Variants in CYFIP1 observed in about 807,000 individuals in gnomAD.
CYFIP1 encodes cytoplasmic FMR1-interacting protein 1.
Under a neutral mutation model 163.5 loss-of-function variants are expected in CYFIP1, and 58 were observed. The observed-to-expected ratio is 0.35, with a 90% CI of 0.29 to 0.44. The LOEUF (loss-of-function observed/expected upper bound fraction) is 0.44, where lower values mean the gene tolerates loss of function less well. Ranked by LOEUF, CYFIP1 falls within the 20% of genes least tolerant of loss-of-function variation. CYFIP1 has a pLI of 1.00. For missense variants in CYFIP1, 1,338 were observed against 1,653.8 expected (o/e 0.81, Z 3.31); for synonymous variants, 663 against 660.7 (o/e 1.00, Z -0.05).
chr15:22,938,500 G>A (rs2061787652), intron 8 of CYFIP1, among the ~76,000 whole-genome samples: 1 of 152,088 alleles, frequency 6.6e-6, no homozygotes, highest in African/African-American at 2.4e-5. Context: ...AGTTACTCAG[G>A]AGCCTGAGGC....
chr15:22,908,514 A>ATTTTT (rs2060660703), intron 21 of CYFIP1, among the ~76,000 whole-genome samples: 1 of 95,112 alleles, frequency 1.1e-5, no homozygotes, highest in East Asian at 3.2e-4. Flanking sequence ...TAAAGAAGAT[A>ATTTTT]TTTCTTTTTT....
chr15:22,879,854 CGGTGGGGTGG>C lies in CYFIP1; in HGVS notation c.3042+49_3042+58del, dbSNP rs746433645. The C allele has an allele frequency of 2.6e-5, 29 of 1,119,972 alleles. 1 individual carries two copies. The highest frequency in any genetic ancestry group is 8.0e-5 in the Admixed American group (3 of 37,420). The allele number at this position is 1,119,972 out of a possible 1,614,324, so 69.4% of individuals were successfully genotyped here. On this transcript the variant is annotated intron_variant, in intron 26 of 30. Coordinates refer to ENST00000617928, the MANE Select transcript of CYFIP1 (RefSeq NM_014608.6). ...CCGCCAAAGAAAGCCCTCCCCTGGC[CGGTGGGGTGG>C]GGTGGGGTGGGCTGGGGCGGGGAGG... is the stretch of plus-strand genomic sequence containing the variant.
intron 23 of CYFIP1, among the ~76,000 whole-genome samples, chr15:22,891,984 T>C (rs2060097257): frequency 6.6e-6 from 1 of 152,206 alleles, no homozygotes; most frequent in African/African-American, 2.4e-5. Flanking sequence ...TTGTCCCCGC[T>C]TCCTACAAGC....
At chr15:22,881,805 C>T in intron 25 of CYFIP1, 41 bp downstream of exon 25, 1 of 1,582,628 alleles carries the variant, frequency 6.3e-7, no homozygotes, top group Non-Finnish European at 8.6e-7. Context: ...TTTCTGACCT[C>T]TCCACAGACA....
chr15:22,922,306 C>T (rs959497856), intron 13 of CYFIP1, among the ~76,000 whole-genome samples: 2 of 152,226 alleles, frequency 1.3e-5, no homozygotes, highest in Non-Finnish European at 2.9e-5. Flanking sequence ...AGCCACGTGA[C>T]TGGCCCCCAG....
intron 22 of CYFIP1, among the ~76,000 whole-genome samples, chr15:22,896,414 TC>T (rs764452975): frequency 3.3e-5 from 5 of 152,100 alleles, no homozygotes; most frequent in Non-Finnish European, 7.3e-5. Flanking sequence ...AATTTTGAAA[TC>T]TTTTCTGCCC....
At position 22,874,559 on chromosome 15, in the gene CYFIP1, C is replaced by T. The variant is rs988405317; in HGVS notation, c.3201G>A (p.Gly1067=). Residue 1067 remains glycine, a synonymous_variant, in exon 28 of 31, where the codon GGG becomes GGA. Transcript: ENST00000617928. Reference sequence around the variant, plus strand: ...TCACGGTACACGTTACCTGAGGGGTCCCCAGTCTTTCAATCAGTGGGACAA... The same window carrying T: ...TCACGGTACACGTTACCTGAGGGGTTCCCAGTCTTTCAATCAGTGGGACAA... ...LHLVPLIERL[G]TPQQIAIARE... 1.3e-6 allele frequency: 2 copies of T among 1,599,736 alleles called. No homozygotes were observed. Among genetic ancestry groups the T allele is most frequent in the East Asian group, 2.3e-5 (1 of 44,138 alleles).
intron 1 of CYFIP1, among the ~76,000 whole-genome samples, chr15:22,970,663 A>C (rs2063062631): frequency 6.6e-6 from 1 of 152,252 alleles, no homozygotes; most frequent in Non-Finnish European, 1.5e-5. Flanking sequence ...ACAATTTTCA[A>C]CAATGATGTC....
intron 1 of CYFIP1, among the ~76,000 whole-genome samples, chr15:22,964,157 C>CTT (rs56861965): frequency 0.2 from 26,454 of 134,526 alleles, 2,830 homozygotes; most frequent in African/African-American, 0.24. Flanking sequence ...ACTTCACATA[C>CTT]TTTTTTTTTT....
chr15:22,931,479 C>T (rs1294127438), intron 11 of CYFIP1, among the ~76,000 whole-genome samples: 2 of 152,014 alleles, frequency 1.3e-5, no homozygotes, highest in African/African-American at 4.8e-5. Flanking sequence ...CCAGAGGCTC[C>T]TGCTCACCTC....
At chr15:22,875,098 A>G in intron 27 of CYFIP1, 101 bp downstream of exon 27, 3 of 1,125,730 alleles carry the variant, frequency 2.7e-6, no homozygotes, top group Non-Finnish European at 4.0e-6. Context: ...CAGGCGCCAA[A>G]CCCACAATCT....
intron 13 of CYFIP1, among the ~76,000 whole-genome samples, chr15:22,920,159 C>CT (rs71117470): frequency 0.21 from 16,099 of 75,674 alleles, 2,998 homozygotes; most frequent in African/African-American, 0.32. Context: ...ATTAAGGCAG[C>CT]TTTTTTTTTT....
At chr15:22,936,225 G>A (rs1044161921) in intron 9 of CYFIP1, among the ~76,000 whole-genome samples, 2 of 152,126 alleles carry the variant, frequency 1.3e-5, no homozygotes, top group Admixed American at 6.6e-5. Flanking sequence ...ATGACAGAGC[G>A]AGGGCCTGTC....
intron 1 of CYFIP1, among the ~76,000 whole-genome samples, chr15:22,957,108 G>A (rs1470713498): frequency 4.6e-5 from 7 of 152,298 alleles, no homozygotes; most frequent in South Asian, 4.1e-4. Flanking sequence ...GCGGCACGCC[G>A]ACGCTAACTC....
intron 22 of CYFIP1, among the ~76,000 whole-genome samples, chr15:22,900,542 G>A (rs1023120382): frequency 2.6e-5 from 4 of 151,886 alleles, no homozygotes; most frequent in African/African-American, 9.7e-5. Context: ...GGGACTGCAG[G>A]CGCCCGCCAC....
chr15:22,918,928 G>T, intron 13 of CYFIP1, 70 bp from the exon 14 acceptor site: 1 of 1,257,422 alleles, frequency 8.0e-7, no homozygotes, highest in Non-Finnish European at 1.1e-6. Flanking sequence ...CCTGGCACAT[G>T]CCGGGGGCTG....
rs774714985 is a variant in CYFIP1, at chr15:22,944,870, T to C, written c.277A>G (p.Ile93Val). ...LYTWRSCSRA[I>V]PQVKCNEQPN... ...CCAGGCGAGCGTGGCACCTGTGGGA[T>C]GGCCCGGGAGCAGCTCCTCCAGGTG... The change falls in exon 4 of 31, where the codon ATC (isoleucine) becomes GTC (valine). Residue 93 changes from isoleucine to valine, a missense_variant. Transcript: ENST00000617928. 3 of 1,613,788 alleles carry C rather than the reference T, an allele frequency of 1.9e-6. No individual in the cohort carries two copies. The highest frequency in any genetic ancestry group is 1.7e-5 in the Admixed American group (1 of 60,004).
At chr15:22,974,432 T>TA (rs1322317911) in intron 1 of CYFIP1, among the ~76,000 whole-genome samples, 3 of 151,656 alleles carry the variant, frequency 2.0e-5, no homozygotes, top group Admixed American at 6.6e-5. Flanking sequence ...TAATTAAAAT[T>TA]AAAAAAACAA....
chr15:22,880,107 T>C lies in CYFIP1; in HGVS notation c.2912-64A>G, dbSNP rs574228850. The C allele has an allele frequency of 8.7e-6, 14 of 1,602,200 alleles. 1 individual carries two copies. The East Asian group carries it at 2.7e-4, about 31-fold the overall frequency. Reference sequence around the variant, plus strand: ...GGGGGCCGGGCCCTAGCAGCCTGGGTCCACAGCCAGGAGCACCTGCCGTTC... The same window carrying C: ...GGGGGCCGGGCCCTAGCAGCCTGGGCCCACAGCCAGGAGCACCTGCCGTTC... On this transcript the variant is annotated intron_variant, in intron 25 of 30. Transcript: ENST00000617928.
Sources: gnomAD v4.1 joint callset for allele counts (sites outside exome capture counted in the v4.1 genomes callset) on GRCh38, gnomAD v4.1.1 for gene constraint, MANE v1.5 for transcripts, NCBI Gene and HGNC (gene_info 2026-07-23, HGNC 2026-07-21) for gene names.